The following COPG2 variants were observed in gnomAD, a reference collection of about 807,000 sequenced individuals.
COPG2 encodes the protein coat protein complex I subunit gamma 2, also known as coatomer subunit gamma-2.
Under a neutral mutation model 46.3 loss-of-function variants are expected in COPG2, and 37 were observed. The ratio of observed to expected loss-of-function variants is 0.80; its 90% CI spans 0.61 to 1.05. The LOEUF (loss-of-function observed/expected upper bound fraction) is 1.05, where lower values mean the gene tolerates loss of function less well. Among genes scored for constraint, COPG2 ranks in the 50% least tolerant of loss-of-function variants. The pLI is 0.00. For missense variants in COPG2, 427 were observed against 387.8 expected (o/e 1.10, Z -0.85); for synonymous variants, 159 against 129.7 (o/e 1.23, Z -1.53).
chr7:130,522,784 C>A (rs1248972162), intron 20 of COPG2, among the ~76,000 whole-genome samples: 3 of 151,758 alleles, frequency 2.0e-5, no homozygotes, highest in Non-Finnish European at 4.4e-5. Flanking sequence ...AGTAAAAAAA[C>A]GAACAAACAA....
intron 9 of COPG2, among the ~76,000 whole-genome samples, chr7:130,603,637 A>C (rs958284245): frequency 6.7e-6 from 1 of 148,748 alleles, no homozygotes; most frequent in African/African-American, 2.5e-5. Context: ...AGGAGAATCA[A>C]TTGAACCCGG....
At chr7:130,646,967 ATGTG>A (rs1554458285) in intron 5 of COPG2, among the ~76,000 whole-genome samples, 3 of 1,760 alleles carry the variant, frequency 1.7e-3, no homozygotes, top group East Asian at 9.6e-3. Flanking sequence ...GCATATATAT[ATGTG>A]TATATATATA....
chr7:130,614,432 G>A (rs542181300), intron 6 of COPG2, among the ~76,000 whole-genome samples: 1 of 152,272 alleles, frequency 6.6e-6, no homozygotes, highest in East Asian at 1.9e-4. Context: ...TACAACTTAA[G>A]AAGGTTACAA....
chr7:130,607,688 T>C (rs1447238087), intron 9 of COPG2: 4 of 519,620 alleles, frequency 7.7e-6, no homozygotes, highest in Non-Finnish European at 1.5e-5. Flanking sequence ...TTGAGACTCA[T>C]TCCTTTTATG....
chr7:130,541,078 G>A (rs1040498565), intron 20 of COPG2, among the ~76,000 whole-genome samples: 13 of 152,190 alleles, frequency 8.5e-5, no homozygotes, highest in Non-Finnish European at 4.4e-5. Context: ...AGGGGAAGAC[G>A]CACGTGCAGT....
intron 9 of COPG2, among the ~76,000 whole-genome samples, chr7:130,565,564 GA>G (rs1256346029): frequency 1.3e-5 from 2 of 152,172 alleles, no homozygotes; most frequent in African/African-American, 2.4e-5. Context: ...ATCTATGGGG[GA>G]AAAAAAGTAG....
intron 5 of COPG2, among the ~76,000 whole-genome samples, chr7:130,650,481 T>G (rs1795714625): frequency 6.6e-6 from 1 of 152,198 alleles, no homozygotes; most frequent in Non-Finnish European, 1.5e-5. Flanking sequence ...ACTAATTTAT[T>G]TTAAAATTTT....
chr7:130,577,975 T>C (rs1242174397), intron 9 of COPG2, among the ~76,000 whole-genome samples: 2 of 152,156 alleles, frequency 1.3e-5, no homozygotes, highest in Non-Finnish European at 2.9e-5. Context: ...GCAGGGAAGC[T>C]CCAACTGGGT....
intron 9 of COPG2, among the ~76,000 whole-genome samples, chr7:130,578,340 C>A (rs1490180372): frequency 6.9e-5 from 10 of 145,012 alleles, no homozygotes; most frequent in South Asian, 2.3e-4. Context: ...CACCAAAAAC[C>A]CATCTGTACA....
chr7:130,605,512 T>C (rs907379265), intron 9 of COPG2, among the ~76,000 whole-genome samples: 15 of 152,108 alleles, frequency 9.9e-5, no homozygotes, highest in Admixed American at 9.2e-4. Flanking sequence ...AGATTCAAAG[T>C]GCAGCTCAAC....
intron 5 of COPG2, among the ~76,000 whole-genome samples, chr7:130,636,221 G>A (rs546176522): frequency 5.3e-5 from 8 of 152,226 alleles, no homozygotes; most frequent in East Asian, 1.9e-4. Flanking sequence ...TATTAGGTCC[G>A]CTTGATCCAG....
At chr7:130,596,730 T>A (rs1366454875) in intron 9 of COPG2, among the ~76,000 whole-genome samples, 7 of 152,204 alleles carry the variant, frequency 4.6e-5, no homozygotes, top group African/African-American at 1.7e-4. Flanking sequence ...GTATCATCTT[T>A]ATGGCCACCT....
At chr7:130,625,408 T>C (rs1336180597) in intron 5 of COPG2, among the ~76,000 whole-genome samples, 1 of 152,132 alleles carries the variant, frequency 6.6e-6, no homozygotes, top group East Asian at 1.9e-4. Flanking sequence ...CCTAACTGCA[T>C]TGCTAAATAC....
intron 9 of COPG2, among the ~76,000 whole-genome samples, chr7:130,577,467 A>G (rs1415471390): frequency 6.6e-6 from 1 of 152,210 alleles, no homozygotes; most frequent in Non-Finnish European, 1.5e-5. Context: ...CGACCGGCTT[A>G]AAAAACAGCC....
chr7:130,623,383 C>T (rs1795068657), intron 5 of COPG2, among the ~76,000 whole-genome samples: 1 of 152,162 alleles, frequency 6.6e-6, no homozygotes, highest in South Asian at 2.1e-4. Context: ...AAGGTGACCA[C>T]ATTATAGAGT....
chr7:130,586,833 A>G lies in COPG2; in HGVS notation c.738-22440T>C, dbSNP rs1201069773. ...AATGTGAATCTTTTCCTTCCTATCTATAAGTGGCACCAAAAGTAACTTCTT... is the reference window on the plus strand; with the variant it reads ...AATGTGAATCTTTTCCTTCCTATCTGTAAGTGGCACCAAAAGTAACTTCTT... On this transcript the variant is annotated intron_variant, in intron 9 of 23. Coordinates refer to ENST00000425248, the MANE Select transcript of COPG2 (RefSeq NM_012133.6). 9.2e-5 allele frequency among the ~76,000 whole-genome samples: 14 copies of G among 152,006 alleles called. 1 individual carries two copies. The highest frequency in any genetic ancestry group is 2.1e-4 in the Non-Finnish European group (14 of 67,996).
chr7:130,556,983 T>G (rs1793636774), intron 12 of COPG2, among the ~76,000 whole-genome samples: 1 of 152,186 alleles, frequency 6.6e-6, no homozygotes, highest in African/African-American at 2.4e-5. Flanking sequence ...ATCTCCACAA[T>G]TATTTAGCAT....
At chr7:130,627,139 C>T (rs1328600421) in intron 5 of COPG2, among the ~76,000 whole-genome samples, 1 of 152,190 alleles carries the variant, frequency 6.6e-6, no homozygotes, top group Non-Finnish European at 1.5e-5. Flanking sequence ...ATCAAGTACA[C>T]TTTGAAATCC....
chr7:130,617,110 T>G, intron 5 of COPG2, 45 bp from the exon 6 acceptor site: 1 of 1,264,372 alleles, frequency 7.9e-7, no homozygotes, highest in Non-Finnish European at 1.1e-6. Context: ...TTAAAATCTC[T>G]CCCATGGAGT....
Sources: allele counts gnomAD v4.1 joint callset (sites outside exome capture counted in the v4.1 genomes callset), GRCh38; gene constraint gnomAD v4.1.1; transcripts MANE v1.5; gene names NCBI Gene and HGNC (gene_info 2026-07-23, HGNC 2026-07-21).